The following CADM2 variants were observed in gnomAD, a reference collection of about 807,000 sequenced individuals.
CADM2 encodes cell adhesion molecule 2.
CADM2 carries 12 observed loss-of-function variants against 49.8 expected under a neutral mutation model. The observed-to-expected ratio is 0.24, with a 90% CI of 0.15 to 0.39. CADM2 has a LOEUF of 0.39. Ranked by LOEUF, CADM2 falls within the 10% of genes least tolerant of loss-of-function variation. The pLI, the probability that CADM2 is intolerant of heterozygous loss-of-function variation, is 1.00. For synonymous variants in CADM2, 214 were observed against 175.4 expected, an observed-to-expected ratio of 1.22 and a Z score of -1.74; for missense variants, 378 against 492.3, an observed-to-expected ratio of 0.77 and a Z score of 2.20.
At chr3:85,685,047 T>C (rs1049045235) in intron 1 of CADM2, among the ~76,000 whole-genome samples, 1 of 152,150 alleles carries the variant, frequency 6.6e-6, no homozygotes. Context: ...GGTCAGGAGA[T>C]AGAGACCATC....
intron 1 of CADM2, among the ~76,000 whole-genome samples, chr3:85,631,969 T>C (rs150841249): frequency 6.6e-6 from 1 of 152,260 alleles, no homozygotes; most frequent in East Asian, 1.9e-4. Context: ...TCAGACTTGA[T>C]AATTTATGTT....
intron 1 of CADM2, among the ~76,000 whole-genome samples, chr3:85,017,832 A>G (rs1476376139): frequency 2.0e-5 from 3 of 152,212 alleles, no homozygotes; most frequent in Non-Finnish European, 4.4e-5. Context: ...AATTATCTTA[A>G]TGATTTTATT....
chr3:85,657,304 G>T (rs1025242917), intron 1 of CADM2, among the ~76,000 whole-genome samples: 1 of 152,056 alleles, frequency 6.6e-6, no homozygotes, highest in African/African-American at 2.4e-5. Context: ...ATTACATGAA[G>T]TAATAATATT....
intron 2 of CADM2, among the ~76,000 whole-genome samples, chr3:85,753,107 A>G (rs375444496): frequency 1.1e-4 from 17 of 152,336 alleles, no homozygotes; most frequent in African/African-American, 4.1e-4. Flanking sequence ...AATTTGTTAA[A>G]AAAAGAAAAA....
chr3:85,376,483 C>T (rs1161124950), intron 1 of CADM2, among the ~76,000 whole-genome samples: 1 of 151,902 alleles, frequency 6.6e-6, no homozygotes, highest in Non-Finnish European at 1.5e-5. Flanking sequence ...AAAAGAAAAG[C>T]TCTTAAAACT....
At position 86,068,221 on chromosome 3, in the gene CADM2, G is replaced by T. The variant is rs768018082; in HGVS notation, c.*1438G>T. On this transcript the variant is annotated 3_prime_UTR_variant, in exon 10 of 10. Transcript: ENST00000383699. ...TCCAAAGTGAAAGTCTCTTTCTCTG[G>T]ATTATTTTAAAATTTTGGCGTGTTT... 7.9e-5 allele frequency: 12 copies of T among 152,238 alleles called. No homozygotes were observed. Among genetic ancestry groups the T allele is most frequent in the Non-Finnish European group, 1.5e-4 (10 of 67,824 alleles). 9.4% of individuals were successfully genotyped at this position (152,238 alleles called of 1,614,324 possible). A position where few individuals can be genotyped will look rare whatever the true frequency, so the allele number is the denominator to read the frequency against.
intron 1 of CADM2, among the ~76,000 whole-genome samples, chr3:85,489,663 A>T (rs2039578671): frequency 9.5e-6 from 1 of 105,812 alleles, no homozygotes; most frequent in Admixed American, 9.5e-5. Context: ...TAATAAAAGA[A>T]AAAAAATCAA....
At chr3:85,074,555 G>T (rs1429551284) in intron 1 of CADM2, among the ~76,000 whole-genome samples, 1 of 152,062 alleles carries the variant, frequency 6.6e-6, no homozygotes, top group Non-Finnish European at 1.5e-5. Flanking sequence ...AGTTAGAATA[G>T]TTCCTGGCAC....
intron 1 of CADM2, among the ~76,000 whole-genome samples, chr3:85,402,091 T>C (rs1337228355): frequency 6.6e-6 from 1 of 152,132 alleles, no homozygotes; most frequent in African/African-American, 2.4e-5. Flanking sequence ...ATAATTAGTA[T>C]AAATATCATG....
chr3:85,819,495 G>A (rs145080797), intron 3 of CADM2, among the ~76,000 whole-genome samples: 5 of 152,202 alleles, frequency 3.3e-5, no homozygotes, highest in East Asian at 1.9e-4. Context: ...ACTAATTCCC[G>A]ATTTTCAAAC....
intron 1 of CADM2, among the ~76,000 whole-genome samples, chr3:85,111,869 C>T (rs922746259): frequency 2.0e-5 from 3 of 151,714 alleles, no homozygotes; most frequent in Non-Finnish European, 4.4e-5. Flanking sequence ...CTTAACATTT[C>T]CAAAACATAG....
chr3:85,576,892 T>C (rs991997551), intron 1 of CADM2, among the ~76,000 whole-genome samples: 1 of 152,116 alleles, frequency 6.6e-6, no homozygotes, highest in Non-Finnish European at 1.5e-5. Flanking sequence ...TATTGTATTC[T>C]ATAATAGTCT....
intron 1 of CADM2, among the ~76,000 whole-genome samples, chr3:85,155,268 A>T (rs1013579157): frequency 7.4e-5 from 11 of 148,484 alleles, no homozygotes; most frequent in South Asian, 4.3e-4. Flanking sequence ...ATGGAAAACA[A>T]AAAAAGGCAG....
intron 6 of CADM2, among the ~76,000 whole-genome samples, chr3:85,931,532 G>A (rs1720589066): frequency 1.3e-5 from 2 of 152,126 alleles, no homozygotes; most frequent in Admixed American, 1.3e-4. Flanking sequence ...TGCAAGACAT[G>A]GAGGATATAT....
intron 1 of CADM2, among the ~76,000 whole-genome samples, chr3:85,055,023 C>CA (rs1050279039): frequency 1.3e-5 from 2 of 151,810 alleles, no homozygotes; most frequent in Non-Finnish European, 2.9e-5. Context: ...AAAGTGTTTT[C>CA]ATTTTGTCCC....
intron 8 of CADM2, among the ~76,000 whole-genome samples, chr3:86,022,687 C>T (rs1422629656): frequency 2.0e-5 from 3 of 152,190 alleles, no homozygotes; most frequent in East Asian, 3.9e-4. Context: ...TACACATACA[C>T]ACACATGCAC....
chr3:84,988,188 A>AGG, intron 1 of CADM2, among the ~76,000 whole-genome samples: 1 of 152,308 alleles, frequency 6.6e-6, no homozygotes, highest in African/African-American at 2.4e-5. Context: ...ACAAAGAGAG[A>AGG]GGGAGAGAGA....
At chr3:85,654,814 C>T (rs952951063) in intron 1 of CADM2, among the ~76,000 whole-genome samples, 1 of 152,062 alleles carries the variant, frequency 6.6e-6, no homozygotes, top group Non-Finnish European at 1.5e-5. Flanking sequence ...CATCTTGGGT[C>T]ATGTATGTTA....
rs1237344059 is a variant in CADM2 at position 86,074,047 on chromosome 3, T to C, written c.*7264T>C. ...TGAGAATGCCAAAATTTTAAAACTC[T>C]GTAAAGGTAATTTTACATTCACTTA... On this transcript the variant is annotated 3_prime_UTR_variant, in exon 10 of 10. Transcript: ENST00000383699. 6.6e-6 allele frequency: 1 copy of C among 152,056 alleles called. No homozygotes were observed. Among genetic ancestry groups the C allele is most frequent in the Non-Finnish European group, 1.5e-5 (1 of 67,902 alleles). The allele number at this position is 152,056 out of a possible 1,614,324, so 9.4% of individuals were successfully genotyped here. A position where few individuals can be genotyped will look rare whatever the true frequency, so the allele number is the denominator to read the frequency against.
Sources: allele counts gnomAD v4.1 joint callset (sites outside exome capture counted in the v4.1 genomes callset), GRCh38; gene constraint gnomAD v4.1.1; transcripts MANE v1.5; gene names NCBI Gene and HGNC (gene_info 2026-07-23, HGNC 2026-07-21).